Variants in CELSR2 observed in about 807,000 individuals in gnomAD.
CELSR2 encodes the protein EGF-like protein 2.
CELSR2 carries 81 observed loss-of-function variants against 251.6 expected under a neutral mutation model. That is an observed-to-expected ratio of 0.32 (90% CI 0.27 to 0.39). The LOEUF is 0.39. CELSR2 is among the 10% of genes least tolerant of loss of function. CELSR2 has a pLI of 1.00. For missense variants in CELSR2, 3,365 were observed against 3,947.7 expected, an observed-to-expected ratio of 0.85 and a Z score of 3.96; for synonymous variants, 1,721 against 1,670.5, an observed-to-expected ratio of 1.03 and a Z score of -0.74.
Position 109,269,520 on chromosome 1 carries a change from G to T in CELSR2, c.6909G>T (p.Thr2303=), listed in dbSNP as rs150014940. ...CCCGGGCCCTGGACAAACCCGTCAC[G>T]GTGCAGTTCCGCCTGCTGGAGACAG... is the stretch of plus-strand genomic sequence containing the variant. ...LLPRALDKPV[T]VQFRLLETEE... The change falls in exon 21 of 34, where the codon ACG becomes ACT. Residue 2303 remains threonine (T), a synonymous_variant. Coordinates refer to ENST00000271332, the MANE Select transcript of CELSR2 (RefSeq NM_001408.3). This position sits in a 1 kb window ranked among gnomAD's most constrained non-coding sequence, Gnocchi z 6.4. 1 of 1,614,102 alleles carries T rather than the reference G, an allele frequency of 6.2e-7. No homozygotes were observed. Among genetic ancestry groups the T allele is most frequent in the Non-Finnish European group, 8.5e-7 (1 of 1,180,020 alleles).
chr1:109,272,478 G>A lies in CELSR2; in HGVS notation c.8054+73G>A. ...CATGCTGGACCCAGGCCAGCCAGCT[G>A]TTGGGAGTTGAGGAGCACACACTGT... On this transcript the variant is annotated intron_variant, in intron 29 of 33. Coordinates refer to ENST00000271332, the MANE Select transcript of CELSR2 (RefSeq NM_001408.3). The A allele has an allele frequency of 1.9e-6, 3 of 1,557,288 alleles. No individual in the cohort carries two copies. In the South Asian group the frequency reaches 3.6e-5, roughly 19 times the overall value.
Position 109,269,834 on chromosome 1 carries a change from G to A in CELSR2, c.7107+14G>A. 2.5e-6 allele frequency: 4 copies of A among 1,612,818 alleles called. No homozygotes were observed. Among genetic ancestry groups the A allele is most frequent in the Non-Finnish European group, 8.5e-7 (1 of 1,179,910 alleles). ...TCTCGGCGGGAGGTCGGGCCCACAG[G>A]GGCAGCTGCAGAGCCGTGGGTGGGC... is the stretch of plus-strand genomic sequence containing the variant. On this transcript the variant is annotated intron_variant, in intron 22 of 33. Transcript: ENST00000271332. The surrounding 1 kb of genome is among the most constrained non-coding windows in gnomAD (Gnocchi z 6.4).
In CELSR2 at chr1:109,267,611, C is replaced by T. The variant is rs771608120; in HGVS notation, c.6077C>T (p.Thr2026Met). The T allele has an allele frequency of 5.0e-6, 8 of 1,614,082 alleles. No homozygotes were observed. The highest frequency in any genetic ancestry group is 2.2e-5 in the East Asian group (1 of 44,886). Residue 2026 changes from threonine (T) to methionine (M), a missense_variant, in exon 16 of 34, where the codon ACG (threonine) becomes ATG (methionine). Physicochemically the swap from Thr to Met is moderately conservative, Grantham distance 81 (BLOSUM62 -1). This residue lies in a region of CELSR2 where 2,093 missense variants were observed against 2,382.8 expected (regional missense o/e 0.88). Transcript: ENST00000271332. Reference protein sequence around the residue: ...GWLPPNLFNCTSITFSELKGF... With the variant: ...GWLPPNLFNCMSITFSELKGF... Reference sequence around the variant, plus strand: ...CTCCCCCCAAACCTCTTCAACTGCACGTCCATCACCTTCTCAGAACTGAAG... The same window carrying T: ...CTCCCCCCAAACCTCTTCAACTGCATGTCCATCACCTTCTCAGAACTGAAG...
In CELSR2 at chr1:109,261,310, C is replaced by T. The variant is rs1570783199; in HGVS notation, c.4181+46C>T. The T allele has an allele frequency of 6.4e-7, 1 of 1,559,830 alleles. No homozygotes were observed. Among genetic ancestry groups the T allele is most frequent in the Non-Finnish European group, 8.8e-7 (1 of 1,137,630 alleles). ...GGTGGGGAGTGGGCCTGGTGGGCAT[C>T]TGAGGTGCCTCCTGTTCTGTGGTTG... On this transcript the variant is annotated intron_variant, in intron 3 of 33. Transcript: ENST00000271332. The surrounding 1 kb of genome is among the most constrained non-coding windows in gnomAD (Gnocchi z 4.8).
At chr1:109,268,520 C>T (rs151270301) in intron 17 of CELSR2, 61 bp from the exon 18 acceptor site, 29 of 1,536,980 alleles carry the variant, frequency 1.9e-5, no homozygotes, top group African/African-American at 4.1e-5. Flanking sequence ...GGCCGGGGCT[C>T]CATGGTGGGG....
Position 109,264,841 on chromosome 1 carries a change from G to A in CELSR2, c.5465-27G>A, listed in dbSNP as rs377665283. ...TGGTGCCAGGGGAGGGTGGGGGAAT[G>A]AGCCTCTCTGGTCCTTCTGGTCCCA... On this transcript the variant is annotated intron_variant, in intron 11 of 33. Coordinates refer to ENST00000271332, the MANE Select transcript of CELSR2 (RefSeq NM_001408.3). 6.8e-6 allele frequency: 11 copies of A among 1,613,854 alleles called. No homozygotes were observed. The African/African-American group carries it at 8.0e-5, about 12-fold the overall frequency.
chr1:109,260,646 C>G (rs1408906330), intron 2 of CELSR2, among the ~76,000 whole-genome samples: 1 of 152,164 alleles, frequency 6.6e-6, no homozygotes, highest in African/African-American at 2.4e-5. Flanking sequence ...CACATTTACC[C>G]TCTTGGGGGC....
At chr1:109,256,499 G>A (rs538832461) in intron 1 of CELSR2, among the ~76,000 whole-genome samples, 7 of 152,198 alleles carry the variant, frequency 4.6e-5, no homozygotes, top group South Asian at 4.1e-4. Flanking sequence ...GTCAGCCACC[G>A]CAAGTAGGTA....
chr1:109,252,866 T>C lies in CELSR2; in HGVS notation c.2787T>C (p.Phe929=), dbSNP rs781423989. The change falls in exon 1 of 34, where the codon TTT becomes TTC. Residue 929 remains phenylalanine, a synonymous_variant. Transcript: ENST00000271332. This position sits in a 1 kb window ranked among gnomAD's most constrained non-coding sequence, Gnocchi z 4.8. ...TTGAGCAGGATGAGTTTGATGTGTT[T>C]GTGGAAGAGAACAGCCCCATTGGGC... ...PVFEQDEFDV[F]VEENSPIGLA... is the part of the protein sequence containing the mutation. The C allele has an allele frequency of 6.2e-7, 1 of 1,613,458 alleles. No individual in the cohort carries two copies. Among genetic ancestry groups the C allele is most frequent in the South Asian group, 1.1e-5 (1 of 91,008 alleles).
chr1:109,271,871 G>A (rs893300122), intron 28 of CELSR2, 149 bp downstream of exon 28: 42 of 1,072,224 alleles, frequency 3.9e-5, no homozygotes, highest in Non-Finnish European at 4.9e-5. Context: ...TGTTCGGCCT[G>A]GGGAGGAGAT....
chr1:109,272,516 G>A (rs1161121757), intron 29 of CELSR2, 111 bp downstream of exon 29: 2 of 1,502,730 alleles, frequency 1.3e-6, no homozygotes, highest in Non-Finnish European at 1.8e-6. Context: ...CTGACGTGGG[G>A]GCCAGCTTGG....
chr1:109,262,843 G>T lies in CELSR2; in HGVS notation c.4582G>T (p.Val1528Leu), dbSNP rs924106329. 3.1e-6 allele frequency: 5 copies of T among 1,613,648 alleles called. No individual in the cohort carries two copies. The highest frequency in any genetic ancestry group is 1.7e-4 in the Middle Eastern group (1 of 6,040). The change falls in exon 7 of 34, where the codon GTG becomes TTG. Residue 1528 changes from valine (V) to leucine (L), a missense_variant. Val to Leu is a conservative substitution (Grantham distance 32). Transcript: ENST00000271332. Reference protein sequence around the residue: ...DLTGPLLLGGVPDLPESFPVR... With the variant: ...DLTGPLLLGGLPDLPESFPVR... ...GACGGGGCCCCTGCTACTAGGCGGG[G>T]TGCCTGACCTGCCCGAGAGCTTCCC...
Position 109,252,708 on chromosome 1 carries a change from C to T in CELSR2, c.2629C>T (p.Arg877Trp), listed in dbSNP as rs138887323. The T allele has an allele frequency of 1.1e-4, 184 of 1,613,912 alleles. No individual in the cohort carries two copies. Among genetic ancestry groups the T allele is most frequent in the Non-Finnish European group, 1.5e-4 (180 of 1,180,048 alleles). ...ESTSGIVRTL[R>W]RLDRENVAQY... The stretch of plus-strand genomic sequence containing the variant: ...CACGTCAGGCATCGTGCGAACGCTA[C>T]GGAGGCTGGATCGAGAGAACGTGGC... The change falls in exon 1 of 34, where the codon CGG becomes TGG. Residue 877 changes from arginine to tryptophan, a missense_variant. This residue lies in a region of CELSR2 where 505 missense variants were observed against 660.0 expected (regional missense o/e 0.77). Coordinates refer to ENST00000271332, the MANE Select transcript of CELSR2 (RefSeq NM_001408.3). This position sits in a 1 kb window ranked among gnomAD's most constrained non-coding sequence, Gnocchi z 4.8.
Position 109,268,634 on chromosome 1 carries a change from G to T in CELSR2, c.6372G>T (p.Trp2124Cys). The T allele has an allele frequency of 6.2e-7, 1 of 1,613,938 alleles. No homozygotes were observed. The highest frequency in any genetic ancestry group is 8.5e-7 in the Non-Finnish European group (1 of 1,179,970). Residue 2124 changes from tryptophan to cysteine, a missense_variant, in exon 18 of 34, where the codon TGG (tryptophan) becomes TGT (cysteine). Trp to Cys is a radical substitution (Grantham distance 215). Transcript: ENST00000271332. ...ALLDTANKRH[W>C]ELIQQTEGGT... ...TGGACACAGCCAACAAGCGGCACTG[G>T]GAGCTGATCCAGCAGACAGAGGGTG...
chr1:109,258,721 G>A lies in CELSR2; in HGVS notation c.3600G>A (p.Leu1200=). ...GGCCCGGGGGCGGGCCGCCCTTCCT[G>A]CCCTCTGAGGACCTGCAGGAGCGCC... ...PPGPGGGPPF[L]PSEDLQERLY... is the part of the protein sequence containing the mutation. Residue 1200 remains leucine, a synonymous_variant, in exon 2 of 34, where the codon CTG becomes CTA. Coordinates refer to ENST00000271332, the MANE Select transcript of CELSR2 (RefSeq NM_001408.3). 12 of 1,557,596 alleles carry A rather than the reference G, an allele frequency of 7.7e-6. No individual in the cohort carries two copies. Among genetic ancestry groups the A allele is most frequent in the Non-Finnish European group, 1.0e-5 (12 of 1,150,752 alleles).
At position 109,261,536 on chromosome 1, in the gene CELSR2, G is replaced by C; in HGVS notation, c.4205G>C (p.Gly1402Ala). The change falls in exon 4 of 34, where the codon GGG becomes GCG. Residue 1402 changes from glycine to alanine, a missense_variant. By Grantham distance (60) the Gly-to-Ala change is moderately conservative. This residue lies in a region of CELSR2 where 2,093 missense variants were observed against 2,382.8 expected (regional missense o/e 0.88). Coordinates refer to ENST00000271332, the MANE Select transcript of CELSR2 (RefSeq NM_001408.3). This position sits in a 1 kb window ranked among gnomAD's most constrained non-coding sequence, Gnocchi z 4.8. Reference sequence around the variant, plus strand: ...AGGTTTGCCACAAAGGAGCGCGACGGGTTGCTGTTGTACAATGGGCGTTTC... The same window carrying C: ...AGGTTTGCCACAAAGGAGCGCGACGCGTTGCTGTTGTACAATGGGCGTTTC... ...ALSFATKERD[G>A]LLLYNGRFNE... 1 of 1,614,182 alleles carries C rather than the reference G, an allele frequency of 6.2e-7. No individual in the cohort carries two copies. The highest frequency in any genetic ancestry group is 1.6e-4 in the Middle Eastern group (1 of 6,062).
chr1:109,257,256 G>A (rs1655874073), intron 1 of CELSR2, among the ~76,000 whole-genome samples: 1 of 151,842 alleles, frequency 6.6e-6, no homozygotes, highest in African/African-American at 2.4e-5. Flanking sequence ...GGGAGGTTGA[G>A]GTGGGAGGAT....
At position 109,270,955 on chromosome 1, in the gene CELSR2, C is replaced by T. The variant is rs771165318; in HGVS notation, c.7512C>T (p.Gly2504=). The T allele has an allele frequency of 7.4e-5, 120 of 1,613,884 alleles. No individual in the cohort carries two copies. The highest frequency in any genetic ancestry group is 9.7e-5 in the Non-Finnish European group (114 of 1,179,974). ...TGLAVGLDPE[G]YGNPDFCWLS... is the part of the protein sequence containing the mutation. ...TAGCCGTGGGCCTGGACCCCGAGGG[C>T]TACGGGAACCCTGACTTCTGCTGGC... Residue 2504 remains glycine, a synonymous_variant, in exon 25 of 34, where the codon GGC becomes GGT. Transcript: ENST00000271332.
Position 109,250,821 on chromosome 1 carries a change from G to T in CELSR2, c.742G>T (p.Asp248Tyr). 2 of 1,614,072 alleles carry T rather than the reference G, an allele frequency of 1.2e-6. No homozygotes were observed. Among genetic ancestry groups the T allele is most frequent in the Non-Finnish European group, 1.7e-6 (2 of 1,180,030 alleles). Reference sequence around the variant, plus strand: ...TGCAGTAACCACAGCCGAGGAGCTGGATCGTGAGACCAAGAGCACCCACGT... The same window carrying T: ...TGCAGTAACCACAGCCGAGGAGCTGTATCGTGAGACCAAGAGCACCCACGT... Reference protein sequence around the residue: ...TGAVTTAEELDRETKSTHVFR... With the variant: ...TGAVTTAEELYRETKSTHVFR... Residue 248 changes from aspartate to tyrosine, a missense_variant, in exon 1 of 34, where the codon GAT becomes TAT. Physicochemically the swap from Asp to Tyr is radical, Grantham distance 160. Coordinates refer to ENST00000271332, the MANE Select transcript of CELSR2 (RefSeq NM_001408.3). This position sits in a 1 kb window ranked among gnomAD's most constrained non-coding sequence, Gnocchi z 4.4.
Sources: gnomAD v4.1 joint callset for allele counts (sites outside exome capture counted in the v4.1 genomes callset) on GRCh38, gnomAD v4.1.1 for gene constraint, gnomAD v4.1.1 regional missense constraint, Gnocchi (gnomAD v3.1) non-coding constraint, MANE v1.5 for transcripts, NCBI Gene and HGNC (gene_info 2026-07-23, HGNC 2026-07-21) for gene names.